Variants in TBC1D19 observed in about 807,000 individuals in gnomAD.
The protein encoded by TBC1D19 is TBC1 domain family member 19, also known as TBC1 domain family, member 19.
TBC1D19 carries 60 observed loss-of-function variants against 89.0 expected under a neutral mutation model. The observed-to-expected ratio is 0.67, with a 90% CI of 0.55 to 0.84. TBC1D19 has a LOEUF of 0.84. TBC1D19 is among the 40% of genes least tolerant of loss of function. TBC1D19 has a pLI of 0.00. For missense variants in TBC1D19, 500 were observed against 610.8 expected (o/e 0.82, Z 1.91); for synonymous variants, 189 against 199.7 (o/e 0.95, Z 0.45).
chr4:26,848,506 A>C, the TBC1D19 span, among the ~76,000 whole-genome samples: 1 of 152,154 alleles, frequency 6.6e-6, no homozygotes, highest in Non-Finnish European at 1.5e-5. Context: ...TTTATTCTTC[A>C]CTTGTATCTG....
chr4:26,772,099 G>C, the TBC1D19 span, among the ~76,000 whole-genome samples: 1 of 149,920 alleles, frequency 6.7e-6, no homozygotes, highest in Non-Finnish European at 1.5e-5. Flanking sequence ...CTGTGAATTT[G>C]ACATAAGGTA....
intron 11 of TBC1D19, among the ~76,000 whole-genome samples, chr4:26,679,841 G>A (rs542417404): frequency 4.6e-5 from 7 of 152,230 alleles, no homozygotes; most frequent in Non-Finnish European, 8.8e-5. Context: ...GGAAGGGCAT[G>A]ATTGTGTTTT....
intron 4 of TBC1D19, among the ~76,000 whole-genome samples, chr4:26,635,496 G>A (rs780666903): frequency 2.3e-4 from 35 of 152,112 alleles, no homozygotes; most frequent in Non-Finnish European, 3.5e-4. Flanking sequence ...TTCATGTAAT[G>A]TATTGAGTAT....
rs184338597 is a variant in TBC1D19 at position 26,726,848 on chromosome 4, T to C, written c.1084+6723T>C. 1.9e-3 allele frequency among the ~76,000 whole-genome samples: 286 copies of C among 152,280 alleles called. 1 individual carries two copies. Among genetic ancestry groups the C allele is most frequent in the African/African-American group, 6.5e-3 (272 of 41,560 alleles). On this transcript the variant is annotated intron_variant, in intron 15 of 20. Transcript: ENST00000264866. ...GAGAATATTTAATAAGTGCAAAGCA[T>C]GTTAATATTTGGGGTATTTTCTGAG... is the stretch of plus-strand genomic sequence containing the variant.
chr4:26,799,939 G>A, the TBC1D19 span, among the ~76,000 whole-genome samples: 3 of 95,914 alleles, frequency 3.1e-5, no homozygotes, highest in African/African-American at 7.8e-5. Context: ...AATATACAGA[G>A]AATTCTTTTT....
the TBC1D19 span, among the ~76,000 whole-genome samples, chr4:26,838,891 C>A: frequency 1.3e-5 from 2 of 152,176 alleles, no homozygotes; most frequent in Non-Finnish European, 2.9e-5. Flanking sequence ...GCCTGTTAAA[C>A]CCCAACCTAA....
chr4:26,841,624 AG>A, the TBC1D19 span, among the ~76,000 whole-genome samples: 2 of 152,176 alleles, frequency 1.3e-5, no homozygotes, highest in East Asian at 3.9e-4. Flanking sequence ...GTCAGGCTCA[AG>A]GGCATATGGA....
At chr4:26,821,717 C>T in the TBC1D19 span, among the ~76,000 whole-genome samples, 94 of 152,328 alleles carry the variant, frequency 6.2e-4, no homozygotes, top group African/African-American at 2.1e-3. Context: ...TGTAACTGTG[C>T]CAGGGAGTCA....
At chr4:26,786,793 A>ATGGG in the TBC1D19 span, among the ~76,000 whole-genome samples, 1 of 148,364 alleles carries the variant, frequency 6.7e-6, no homozygotes, top group East Asian at 2.0e-4. Context: ...GGATGGATGG[A>ATGGG]TGGGTGGGTG....
chr4:26,678,602 T>A (rs567238920), intron 11 of TBC1D19, among the ~76,000 whole-genome samples: 39 of 151,842 alleles, frequency 2.6e-4, no homozygotes, highest in African/African-American at 9.4e-4. Context: ...CATTTTTATA[T>A]GAGATAACAT....
chr4:26,848,506 AC>A, the TBC1D19 span, among the ~76,000 whole-genome samples: 433 of 152,268 alleles, frequency 2.8e-3, no homozygotes, highest in African/African-American at 9.7e-3. Context: ...TTTATTCTTC[AC>A]TTGTATCTGT....
In TBC1D19 at chr4:26,629,295, T is replaced by C. The variant is rs140730681; in HGVS notation, c.295-7916T>C. On this transcript the variant is annotated intron_variant, in intron 4 of 20. Transcript: ENST00000264866. ...AGATTGTTTAGGATGGCTCTCTGAC[T>C]CCCAGATCTCAGATACTCAGGTACT... is the stretch of plus-strand genomic sequence containing the variant. Among the ~76,000 whole-genome samples the C allele has an allele frequency of 5.9e-5, 9 of 152,154 alleles. No homozygotes were observed. In the East Asian group the frequency reaches 1.7e-3, roughly 29 times the overall value.
In TBC1D19 at chr4:26,640,121, T is replaced by C. The variant is rs200606587; in HGVS notation, c.434-20T>C. 7.7e-5 allele frequency: 121 copies of C among 1,565,804 alleles called. No homozygotes were observed. The African/African-American group carries it at 1.2e-3, about 16-fold the overall frequency. ...ATATATTATTAGCTGAAATTTTGTT[T>C]ATAATCTATCTTATTCTAGATTTAA... On this transcript the variant is annotated intron_variant, in intron 6 of 20. Coordinates refer to ENST00000264866, the MANE Select transcript of TBC1D19 (RefSeq NM_018317.4).
the TBC1D19 span, among the ~76,000 whole-genome samples, chr4:26,819,943 C>G: frequency 6.6e-6 from 1 of 152,216 alleles, no homozygotes; most frequent in Non-Finnish European, 1.5e-5. Flanking sequence ...TTCTTACTCA[C>G]CAATTTCGGT....
the TBC1D19 span, among the ~76,000 whole-genome samples, chr4:26,841,152 G>C: frequency 2.0e-5 from 3 of 152,146 alleles, no homozygotes; most frequent in Non-Finnish European, 4.4e-5. Flanking sequence ...TAAGGTGGGC[G>C]GATCACCTGA....
intron 13 of TBC1D19, among the ~76,000 whole-genome samples, chr4:26,699,312 G>T (rs1715103724): frequency 6.6e-6 from 1 of 152,184 alleles, no homozygotes; most frequent in Non-Finnish European, 1.5e-5. Context: ...ACCACAATGA[G>T]ATACCATCCC....
chr4:26,846,722 G>C, the TBC1D19 span, among the ~76,000 whole-genome samples: 3 of 152,046 alleles, frequency 2.0e-5, no homozygotes, highest in African/African-American at 7.3e-5. Context: ...TGGATATATG[G>C]TGTAAGATGA....
chr4:26,655,239 TCTC>T (rs1274565973), intron 7 of TBC1D19, among the ~76,000 whole-genome samples: 1 of 152,150 alleles, frequency 6.6e-6, no homozygotes, highest in Non-Finnish European at 1.5e-5. Context: ...GGAAGTTTTG[TCTC>T]AGAGGAGTAC....
chr4:26,592,918 G>A (rs1416198071), intron 1 of TBC1D19, among the ~76,000 whole-genome samples: 3 of 152,038 alleles, frequency 2.0e-5, no homozygotes, highest in Admixed American at 6.6e-5. Flanking sequence ...ACTGCCCAAG[G>A]TAATTTATAG....
Sources: gnomAD v4.1 joint callset for allele counts (sites outside exome capture counted in the v4.1 genomes callset) on GRCh38, gnomAD v4.1.1 for gene constraint, MANE v1.5 for transcripts, NCBI Gene and HGNC (gene_info 2026-07-23, HGNC 2026-07-21) for gene names.